The following CACNA2D3 variants were observed in gnomAD, a reference collection of about 807,000 sequenced individuals.
CACNA2D3 encodes the protein voltage-dependent calcium channel subunit alpha-2/delta-3.
CACNA2D3 carries 60 observed loss-of-function variants against 160.6 expected under a neutral mutation model. That is an observed-to-expected ratio of 0.37 (90% CI 0.30 to 0.46). The LOEUF is 0.46. Among genes scored for constraint, CACNA2D3 ranks in the 20% least tolerant of loss-of-function variants. The pLI, the probability that CACNA2D3 is intolerant of heterozygous loss-of-function variation, is 1.00. For missense variants in CACNA2D3, 1,205 were observed against 1,365.0 expected, an observed-to-expected ratio of 0.88 and a Z score of 1.85; for synonymous variants, 558 against 492.9, an observed-to-expected ratio of 1.13 and a Z score of -1.75.
At chr3:54,488,066 A>G (rs1701044894) in intron 4 of CACNA2D3, among the ~76,000 whole-genome samples, 1 of 152,258 alleles carries the variant, frequency 6.6e-6, no homozygotes, top group Non-Finnish European at 1.5e-5. Context: ...GCTTCGAGGC[A>G]GGATGAACAG....
chr3:54,928,329 CA>C (rs1701087250), intron 27 of CACNA2D3, among the ~76,000 whole-genome samples: 2 of 152,118 alleles, frequency 1.3e-5, no homozygotes, highest in African/African-American at 2.4e-5. Context: ...TACAGGGCAC[CA>C]AAATAAAACT....
At chr3:54,416,167 A>C (rs998209120) in intron 4 of CACNA2D3, among the ~76,000 whole-genome samples, 1 of 152,218 alleles carries the variant, frequency 6.6e-6, no homozygotes. Flanking sequence ...AAATACAAAT[A>C]TGGTTAAGCT....
intron 13 of CACNA2D3, among the ~76,000 whole-genome samples, chr3:54,795,317 T>C (rs368605594): frequency 3.3e-5 from 5 of 152,220 alleles, no homozygotes; most frequent in African/African-American, 2.4e-5. Context: ...CTTTTAAGTC[T>C]TTTATTAAAT....
intron 4 of CACNA2D3, among the ~76,000 whole-genome samples, chr3:54,468,612 A>G (rs1197403058): frequency 6.6e-6 from 1 of 152,152 alleles, no homozygotes; most frequent in Non-Finnish European, 1.5e-5. Flanking sequence ...GGCTGAAGTC[A>G]GGGAGCCAAG....
In CACNA2D3 at chr3:54,183,288, G is replaced by T. The variant is rs1022059719; in HGVS notation, c.204+59694G>T. Among the ~76,000 whole-genome samples the T allele has an allele frequency of 2.0e-5, 3 of 147,010 alleles. No homozygotes were observed. In the East Asian group the frequency reaches 6.0e-4, roughly 29 times the overall value. On this transcript the variant is annotated intron_variant, in intron 2 of 37. Coordinates refer to ENST00000474759, the MANE Select transcript of CACNA2D3 (RefSeq NM_018398.3). ...AGACTTCAAAATTCCATAGTAGTTTGCACCTAATTCTGGTTGATAGGGTTT... is the reference window on the plus strand; with the variant it reads ...AGACTTCAAAATTCCATAGTAGTTTTCACCTAATTCTGGTTGATAGGGTTT...
intron 2 of CACNA2D3, among the ~76,000 whole-genome samples, chr3:54,197,755 A>G (rs993917939): frequency 4.6e-5 from 7 of 152,168 alleles, no homozygotes; most frequent in African/African-American, 1.7e-4. Context: ...GAGCTGTTAC[A>G]GTCTGTGAGG....
intron 4 of CACNA2D3, among the ~76,000 whole-genome samples, chr3:54,411,317 C>A (rs1266226079): frequency 6.6e-6 from 1 of 152,204 alleles, no homozygotes; most frequent in African/African-American, 2.4e-5. Context: ...AAAATGCTAT[C>A]AAACAACATT....
At chr3:54,266,773 C>T (rs370407395) in intron 2 of CACNA2D3, among the ~76,000 whole-genome samples, 9 of 152,320 alleles carry the variant, frequency 5.9e-5, no homozygotes, top group African/African-American at 2.2e-4. Context: ...TCTCTGCCAG[C>T]TCTTGGTTAC....
chr3:54,837,296 TC>T, intron 15 of CACNA2D3, 66 bp downstream of exon 15: 1 of 1,257,788 alleles, frequency 8.0e-7, no homozygotes, highest in Non-Finnish European at 1.2e-6. Flanking sequence ...CCCCTCTGAC[TC>T]CAGCTCTGGT....
At chr3:54,250,027 CATT>C (rs1575344137) in intron 2 of CACNA2D3, among the ~76,000 whole-genome samples, 2 of 152,152 alleles carry the variant, frequency 1.3e-5, no homozygotes, top group South Asian at 4.1e-4. Flanking sequence ...TTCTCTGAAT[CATT>C]ATGTGCTTTT....
intron 13 of CACNA2D3, among the ~76,000 whole-genome samples, chr3:54,800,583 G>A (rs1225417229): frequency 6.6e-6 from 1 of 152,114 alleles, no homozygotes; most frequent in East Asian, 1.9e-4. Context: ...AATGTGGGGG[G>A]CCTTCCCTCC....
chr3:54,771,607 T>C (rs908731677), intron 13 of CACNA2D3, among the ~76,000 whole-genome samples: 3 of 152,342 alleles, frequency 2.0e-5, no homozygotes, highest in African/African-American at 4.8e-5. Context: ...CCCTGTAGGC[T>C]GTCACACAAT....
chr3:54,796,656 G>A (rs1348037538), intron 13 of CACNA2D3, among the ~76,000 whole-genome samples: 1 of 152,160 alleles, frequency 6.6e-6, no homozygotes, highest in Non-Finnish European at 1.5e-5. Context: ...GTTCCCTGAA[G>A]GATTCTCTAA....
chr3:54,300,550 C>G (rs73091548), intron 2 of CACNA2D3, among the ~76,000 whole-genome samples: 12,751 of 152,272 alleles, frequency 0.084, 753 homozygotes, highest in South Asian at 0.13. Context: ...CATTGTTCAT[C>G]TTCATTCATG....
At chr3:54,130,100 A>G (rs1173741044) in intron 2 of CACNA2D3, among the ~76,000 whole-genome samples, 1 of 152,264 alleles carries the variant, frequency 6.6e-6, no homozygotes, top group Non-Finnish European at 1.5e-5. Flanking sequence ...TGCAAAATGC[A>G]GAATCCCTTG....
intron 2 of CACNA2D3, among the ~76,000 whole-genome samples, chr3:54,143,870 T>G (rs1430953752): frequency 1.3e-5 from 2 of 152,236 alleles, no homozygotes; most frequent in African/African-American, 4.8e-5. Context: ...TTTGTGTATA[T>G]GTATATGTAC....
Position 54,953,227 on chromosome 3 carries a change from C to T in CACNA2D3, c.2450-15223C>T, listed in dbSNP as rs574911120. Among the ~76,000 whole-genome samples the T allele has an allele frequency of 3.9e-5, 6 of 152,288 alleles. No homozygotes were observed. The South Asian group carries it at 8.3e-4, about 21-fold the overall frequency. On this transcript the variant is annotated intron_variant, in intron 27 of 37. Coordinates refer to ENST00000474759, the MANE Select transcript of CACNA2D3 (RefSeq NM_018398.3). The stretch of plus-strand genomic sequence containing the variant: ...ACAAACGTATAAGGTGTGCATGACT[C>T]CTGTTCCCATTGTGCAAATGAGAAA...
intron 9 of CACNA2D3, among the ~76,000 whole-genome samples, chr3:54,605,211 T>G (rs2106779978): frequency 6.6e-6 from 1 of 152,268 alleles, no homozygotes; most frequent in East Asian, 1.9e-4. Context: ...CCAGTGTGAC[T>G]TCATCTTAAG....
Position 54,320,501 on chromosome 3 carries a change from A to G in CACNA2D3, c.264A>G (p.Val88=). 1 of 1,570,632 alleles carries G rather than the reference A, an allele frequency of 6.4e-7. No individual in the cohort carries two copies. The highest frequency in any genetic ancestry group is 8.6e-7 in the Non-Finnish European group (1 of 1,157,252). Residue 88 remains valine (V), a synonymous_variant, in exon 3 of 38, where the codon GTA becomes GTG. Coordinates refer to ENST00000474759, the MANE Select transcript of CACNA2D3 (RefSeq NM_018398.3). ...AIEEIDGLQL[V]KKLAKNMEEM... ...AAGAAATTGATGGCCTCCAACTGGT[A>G]AAGAAGCTGGCAAAGAACATGGAAG... is the stretch of plus-strand genomic sequence containing the variant.
Sources: allele counts gnomAD v4.1 joint callset (sites outside exome capture counted in the v4.1 genomes callset), GRCh38; gene constraint gnomAD v4.1.1; transcripts MANE v1.5; gene names NCBI Gene and HGNC (gene_info 2026-07-23, HGNC 2026-07-21).